L3MBTL4: variants seen among roughly 807,000 people sequenced by gnomAD.
The protein encoded by L3MBTL4 is L3MBTL histone methyl-lysine binding protein 4.
A neutral mutation model predicts 84.5 loss-of-function variants in L3MBTL4; 70 were observed. The ratio of observed to expected loss-of-function variants is 0.83; its 90% CI spans 0.68 to 1.01. The LOEUF (loss-of-function observed/expected upper bound fraction) is 1.01. Ranked by LOEUF, L3MBTL4 falls within the 50% of genes least tolerant of loss-of-function variation. The pLI is 0.00. For missense variants in L3MBTL4, 715 were observed against 754.8 expected, an observed-to-expected ratio of 0.95 and a Z score of 0.62; for synonymous variants, 274 against 259.8, an observed-to-expected ratio of 1.05 and a Z score of -0.52.
chr18:6,142,283 G>A (rs996647216), intron 13 of L3MBTL4, among the ~76,000 whole-genome samples: 29 of 152,192 alleles, frequency 1.9e-4, no homozygotes, highest in African/African-American at 7.0e-4. Context: ...TGTGGAACAG[G>A]TGAGTGTTCC....
intron 16 of L3MBTL4, among the ~76,000 whole-genome samples, chr18:5,988,102 T>C (rs1012127466): frequency 1.3e-5 from 2 of 152,246 alleles, no homozygotes; most frequent in Admixed American, 6.5e-5. Context: ...CAGAAAGAGC[T>C]GCCAGAGATG....
At chr18:6,150,870 C>T (rs1482835291) in intron 13 of L3MBTL4, among the ~76,000 whole-genome samples, 2 of 152,188 alleles carry the variant, frequency 1.3e-5, no homozygotes, top group Non-Finnish European at 2.9e-5. Flanking sequence ...TAAAGGCACT[C>T]CATTCAGAGA....
chr18:5,996,986 T>TGTC (rs1567964313), intron 16 of L3MBTL4, among the ~76,000 whole-genome samples: 29 of 151,250 alleles, frequency 1.9e-4, no homozygotes, highest in African/African-American at 6.9e-4. Flanking sequence ...GGGTGCATTT[T>TGTC]AGAAGCACAA....
chr18:6,368,991 G>A (rs1372816863), intron 1 of L3MBTL4, among the ~76,000 whole-genome samples: 1 of 151,134 alleles, frequency 6.6e-6, no homozygotes, highest in Non-Finnish European at 1.5e-5. Flanking sequence ...GCAGTGAGCC[G>A]AGATCTCGCC....
chr18:6,181,053 T>A lies in L3MBTL4; in HGVS notation c.982-9111A>T, dbSNP rs763942984. On this transcript the variant is annotated intron_variant, in intron 12 of 18. Coordinates refer to ENST00000317931, the MANE Select transcript of L3MBTL4 (RefSeq NM_001330559.2). ...CTACTTATATCTAGAATAGGCAAATTCATAGGGACCAAAAGTAGATTAGAG... is the reference window on the plus strand; with the variant it reads ...CTACTTATATCTAGAATAGGCAAATACATAGGGACCAAAAGTAGATTAGAG... Among the ~76,000 whole-genome samples the A allele has an allele frequency of 1.1e-4, 17 of 151,432 alleles. 1 individual carries two copies. The highest frequency in any genetic ancestry group is 9.2e-4 in the Admixed American group (14 of 15,278).
At chr18:6,220,452 T>C (rs938383377) in intron 10 of L3MBTL4, among the ~76,000 whole-genome samples, 29 of 152,228 alleles carry the variant, frequency 1.9e-4, no homozygotes, top group African/African-American at 7.0e-4. Flanking sequence ...CTTGTCACCT[T>C]ATCTCAAATG....
At chr18:6,333,991 A>AC (rs2052190363) in intron 1 of L3MBTL4, among the ~76,000 whole-genome samples, 1 of 152,246 alleles carries the variant, frequency 6.6e-6, no homozygotes. Context: ...GCCATAAAGC[A>AC]TTCCAAACGA....
rs1387100573 is a variant in L3MBTL4, at chr18:6,138,216, G to C, written c.1177C>G (p.Pro393Ala). 1 of 1,612,146 alleles carries C rather than the reference G, an allele frequency of 6.2e-7. No homozygotes were observed. The highest frequency in any genetic ancestry group is 1.1e-5 in the South Asian group (1 of 90,690). Reference sequence around the variant, plus strand: ...TACCTGTGATGTCCCGAATAACGTGGACCACGGATATGGCCTATTCCTCGG... The same window carrying C: ...TACCTGTGATGTCCCGAATAACGTGCACCACGGATATGGCCTATTCCTCGG... ...GCRGIGHIRGPRYSGHHSAFG... is the reference protein window; with the variant it reads ...GCRGIGHIRGARYSGHHSAFG... Residue 393 changes from proline to alanine, a missense_variant, in exon 14 of 19, where the codon CCA (proline) becomes GCA (alanine). Coordinates refer to ENST00000317931, the MANE Select transcript of L3MBTL4 (RefSeq NM_001330559.2).
intron 16 of L3MBTL4, among the ~76,000 whole-genome samples, chr18:6,051,132 A>G (rs1598568900): frequency 6.6e-6 from 1 of 152,342 alleles, no homozygotes; most frequent in South Asian, 2.1e-4. Context: ...AACACAGAGC[A>G]CCAAGCTAAT....
intron 1 of L3MBTL4, among the ~76,000 whole-genome samples, chr18:6,323,138 C>G (rs1371917302): frequency 6.6e-6 from 1 of 152,218 alleles, no homozygotes; most frequent in Non-Finnish European, 1.5e-5. Flanking sequence ...GTTGATGCCA[C>G]CATGCTTCCT....
At chr18:6,392,070 CT>C (rs887504759) in intron 1 of L3MBTL4, among the ~76,000 whole-genome samples, 1 of 152,092 alleles carries the variant, frequency 6.6e-6, no homozygotes, top group Non-Finnish European at 1.5e-5. Flanking sequence ...AAGAATAAAT[CT>C]GGAGGCATCA....
chr18:5,957,877 T>C (rs1284391125), intron 18 of L3MBTL4, among the ~76,000 whole-genome samples: 1 of 150,704 alleles, frequency 6.6e-6, no homozygotes, highest in Non-Finnish European at 1.5e-5. Context: ...GGAGAATTGC[T>C]TGAACTTGGG....
At chr18:6,197,458 G>A (rs187473570) in intron 12 of L3MBTL4, among the ~76,000 whole-genome samples, 1 of 152,236 alleles carries the variant, frequency 6.6e-6, no homozygotes, top group African/African-American at 2.4e-5. Flanking sequence ...CCTCTTTATG[G>A]CTGCATAGTA....
intron 1 of L3MBTL4, among the ~76,000 whole-genome samples, chr18:6,318,494 T>TAAAAAAAAAAAAAA (rs71370550): frequency 0.03 from 426 of 14,262 alleles, 8 homozygotes; most frequent in Non-Finnish European, 0.036. Flanking sequence ...ACAACAATAG[T>TAAAAAAAAAAAAAA]AAAAAAAAAA....
chr18:6,377,040 C>T (rs768179768), intron 1 of L3MBTL4, among the ~76,000 whole-genome samples: 10 of 152,100 alleles, frequency 6.6e-5, no homozygotes, highest in South Asian at 2.1e-4. Context: ...GAGGAGGGCA[C>T]GGAGCACAAA....
At chr18:5,980,911 T>G (rs554776708) in intron 16 of L3MBTL4, among the ~76,000 whole-genome samples, 5 of 152,192 alleles carry the variant, frequency 3.3e-5, no homozygotes, top group African/African-American at 4.8e-5. Context: ...CTGGGCTGAT[T>G]TGTGTTCCCT....
chr18:6,120,896 G>GGAGCTATTATAAATA (rs1374918887), intron 14 of L3MBTL4, among the ~76,000 whole-genome samples: 1 of 152,112 alleles, frequency 6.6e-6, no homozygotes, highest in African/African-American at 2.4e-5. Flanking sequence ...GATTCAAGTA[G>GGAGCTATTATAAATA]GAGCTATTAT....
At chr18:6,328,013 T>G (rs552311806) in intron 1 of L3MBTL4, among the ~76,000 whole-genome samples, 27 of 152,302 alleles carry the variant, frequency 1.8e-4, no homozygotes, top group Non-Finnish European at 3.4e-4. Flanking sequence ...GTAACTGCAT[T>G]TATTAAGTAA....
intron 10 of L3MBTL4, among the ~76,000 whole-genome samples, chr18:6,224,839 C>T (rs940082425): frequency 6.6e-6 from 1 of 151,646 alleles, no homozygotes; most frequent in African/African-American, 2.4e-5. Context: ...TTGTCAGGAG[C>T]TTATTCTTAA....
Sources: allele counts gnomAD v4.1 joint callset (sites outside exome capture counted in the v4.1 genomes callset), GRCh38; gene constraint gnomAD v4.1.1; transcripts MANE v1.5; gene names NCBI Gene and HGNC (gene_info 2026-07-23, HGNC 2026-07-21).